Variants in STXBP5 observed in about 807,000 individuals in gnomAD.
STXBP5 encodes the protein syntaxin binding protein 5.
Under a neutral mutation model 152.4 loss-of-function variants are expected in STXBP5, and 50 were observed. That is an observed-to-expected ratio of 0.33 (90% confidence interval 0.26 to 0.42). The LOEUF is 0.42. STXBP5 is among the 10% of genes least tolerant of loss of function. The pLI is 1.00. For missense variants in STXBP5, 1,167 were observed against 1,388.6 expected (o/e 0.84, Z 2.54); for synonymous variants, 492 against 494.7 (o/e 0.99, Z 0.07).
At chr6:147,333,616 T>G (rs1417139235) in intron 18 of STXBP5, among the ~76,000 whole-genome samples, 1 of 152,252 alleles carries the variant, frequency 6.6e-6, no homozygotes, top group East Asian at 1.9e-4. Flanking sequence ...GAAACTTTTC[T>G]TAGAAGCTGA....
chr6:147,271,942 G>C (rs1780193377), intron 7 of STXBP5, among the ~76,000 whole-genome samples: 1 of 152,018 alleles, frequency 6.6e-6, no homozygotes, highest in East Asian at 1.9e-4. Context: ...TATCATTCCA[G>C]TTTCTACAGA....
intron 21 of STXBP5, among the ~76,000 whole-genome samples, chr6:147,349,570 C>T (rs958761086): frequency 2.6e-5 from 4 of 152,160 alleles, no homozygotes; most frequent in African/African-American, 7.2e-5. Flanking sequence ...CAAAGTCTCT[C>T]GCTGGTTTTG....
intron 4 of STXBP5, among the ~76,000 whole-genome samples, chr6:147,255,334 A>G (rs530471110): frequency 6.6e-6 from 1 of 152,332 alleles, no homozygotes; most frequent in Middle Eastern, 3.4e-3. Context: ...GAGGGATAGC[A>G]TTAGGAAAAA....
At position 147,387,753 on chromosome 6, in the gene STXBP5, T is replaced by G. The variant is rs955313290; in HGVS notation, c.*2998T>G. 1 of 151,784 alleles carries G rather than the reference T, an allele frequency of 6.6e-6. No individual in the cohort carries two copies. Among genetic ancestry groups the G allele is most frequent in the African/African-American group, 2.4e-5 (1 of 41,402 alleles). 9.4% of individuals were successfully genotyped at this position (151,784 alleles called of 1,614,324 possible). ...TTATTATGTGTAAGTATATTACAATTTAATTAAGTACAATAGTTTAAAGAA... is the reference window on the plus strand; with the variant it reads ...TTATTATGTGTAAGTATATTACAATGTAATTAAGTACAATAGTTTAAAGAA... On this transcript the variant is annotated 3_prime_UTR_variant, in exon 28 of 28. Transcript: ENST00000321680.
At chr6:147,337,185 A>G (rs530745800) in intron 19 of STXBP5, among the ~76,000 whole-genome samples, 1 of 144,002 alleles carries the variant, frequency 6.9e-6, no homozygotes, top group South Asian at 2.3e-4. Context: ...ATATATACAC[A>G]TACATAGACA....
intron 21 of STXBP5, among the ~76,000 whole-genome samples, chr6:147,352,604 C>T (rs1052913399): frequency 2.6e-5 from 4 of 152,000 alleles, no homozygotes; most frequent in African/African-American, 4.8e-5. Context: ...AGTGAGAATT[C>T]GCCTCAATTT....
At chr6:147,314,151 G>A (rs1223381925) in intron 12 of STXBP5, 113 bp from the exon 13 acceptor site, 3 of 1,430,086 alleles carry the variant, frequency 2.1e-6, no homozygotes, top group African/African-American at 2.9e-5. Flanking sequence ...AATTATTTTT[G>A]CAAGCAAAAT....
intron 2 of STXBP5, among the ~76,000 whole-genome samples, chr6:147,232,825 A>AT (rs1443096636): frequency 1.3e-5 from 2 of 151,764 alleles, no homozygotes; most frequent in Non-Finnish European, 3.0e-5. Flanking sequence ...TTAAAAGTAC[A>AT]TTTTTTTGTT....
intron 2 of STXBP5, among the ~76,000 whole-genome samples, chr6:147,213,477 T>TGTGTGTGTGTGTGTGCGCGC: frequency 1.4e-4 from 18 of 131,324 alleles, no homozygotes; most frequent in African/African-American, 4.1e-4. Flanking sequence ...TGTGTGTGTG[T>TGTGTGTGTGTGTGTGCGCGC]GCGCGCGCAT....
At chr6:147,225,427 A>G (rs1052785904) in intron 2 of STXBP5, among the ~76,000 whole-genome samples, 4 of 152,196 alleles carry the variant, frequency 2.6e-5, no homozygotes, top group Non-Finnish European at 4.4e-5. Context: ...CTAGTCTTCC[A>G]TTCCTAGGTT....
intron 16 of STXBP5, among the ~76,000 whole-genome samples, chr6:147,317,330 T>G (rs764091178): frequency 6.6e-6 from 1 of 152,218 alleles, no homozygotes; most frequent in African/African-American, 2.4e-5. Context: ...GATAGATTTT[T>G]TTTATATTAC....
chr6:147,292,354 C>T, intron 9 of STXBP5: 1 of 402,166 alleles, frequency 2.5e-6, no homozygotes, highest in Non-Finnish European at 4.9e-6. Context: ...TTGCATCCTT[C>T]ATTGTGTGAC....
chr6:147,239,048 G>C (rs1304233980), intron 3 of STXBP5, 122 bp from the exon 4 acceptor site: 11 of 793,802 alleles, frequency 1.4e-5, no homozygotes, highest in Admixed American at 8.7e-5. Context: ...ATGTTTCTTA[G>C]ATCTAAATCT....
At chr6:147,264,768 T>A (rs1284251526) in intron 6 of STXBP5, among the ~76,000 whole-genome samples, 1 of 152,112 alleles carries the variant, frequency 6.6e-6, no homozygotes, top group Non-Finnish European at 1.5e-5. Context: ...TCTTTAGTTT[T>A]CTATTTTTAA....
intron 8 of STXBP5, among the ~76,000 whole-genome samples, chr6:147,287,135 A>G (rs1781006476): frequency 6.6e-6 from 1 of 151,628 alleles, no homozygotes; most frequent in Non-Finnish European, 1.5e-5. Context: ...AATCCCCTCA[A>G]ACATTTATCG....
intron 25 of STXBP5, among the ~76,000 whole-genome samples, chr6:147,373,323 A>C (rs985200174): frequency 6.9e-6 from 1 of 145,564 alleles, no homozygotes; most frequent in African/African-American, 2.6e-5. Context: ...CCAAGATCGC[A>C]TCACTGCACT....
intron 24 of STXBP5, 144 bp downstream of exon 24, chr6:147,363,848 G>T: frequency 1.4e-6 from 2 of 1,383,750 alleles, no homozygotes; most frequent in Non-Finnish European, 1.9e-6. Flanking sequence ...TAGTGAACAA[G>T]TATATGAGGA....
intron 4 of STXBP5, 87 bp from the exon 5 acceptor site, chr6:147,260,528 A>G: frequency 6.7e-7 from 1 of 1,491,298 alleles, no homozygotes; most frequent in Non-Finnish European, 9.3e-7. Context: ...CTGTTCCTGA[A>G]TTATATATCA....
rs191538398 is a variant in STXBP5 at position 147,214,617 on chromosome 6, A to G, written c.248+8549A>G. Reference sequence around the variant, plus strand: ...ATCCCAACTTCCATCCTATTTAGCCATCTTTTTCTTAGTTGAGCCTTTAAA... The same window carrying G: ...ATCCCAACTTCCATCCTATTTAGCCGTCTTTTTCTTAGTTGAGCCTTTAAA... On this transcript the variant is annotated intron_variant, in intron 2 of 27. Coordinates refer to ENST00000321680, the MANE Select transcript of STXBP5 (RefSeq NM_001127715.4). Among the ~76,000 whole-genome samples the G allele has an allele frequency of 5.1e-3, 777 of 152,282 alleles. 3 individuals are homozygous for G. The highest frequency in any genetic ancestry group is 0.014 in the Middle Eastern group (4 of 294).
Sources: allele counts gnomAD v4.1 joint callset (sites outside exome capture counted in the v4.1 genomes callset), GRCh38; gene constraint gnomAD v4.1.1; transcripts MANE v1.5; gene names NCBI Gene and HGNC (gene_info 2026-07-23, HGNC 2026-07-21).